The following CDC23 variants were observed in gnomAD, a reference collection of about 807,000 sequenced individuals.
CDC23 encodes the protein cell division cycle protein 23 homolog.
CDC23 carries 26 observed loss-of-function variants against 81.7 expected under a neutral mutation model. The observed-to-expected ratio is 0.32, with a 90% CI of 0.23 to 0.44. The LOEUF is 0.44. CDC23 is among the 20% of genes least tolerant of loss of function. The pLI, the probability that CDC23 is intolerant of heterozygous loss-of-function variation, is 1.00. For missense variants in CDC23, 519 were observed against 728.0 expected, an observed-to-expected ratio of 0.71 and a Z score of 3.30; for synonymous variants, 267 against 270.8, an observed-to-expected ratio of 0.99 and a Z score of 0.14.
intron 3 of CDC23, among the ~76,000 whole-genome samples, chr5:138,205,514 G>A (rs1755037999): frequency 6.6e-6 from 1 of 151,976 alleles, no homozygotes; most frequent in Admixed American, 6.6e-5. Flanking sequence ...ATAGAATAGT[G>A]GTTGCCAAGG....
intron 9 of CDC23, among the ~76,000 whole-genome samples, chr5:138,193,439 T>C (rs1488681671): frequency 6.6e-6 from 1 of 151,586 alleles, no homozygotes; most frequent in African/African-American, 2.4e-5. Context: ...CTACTAAAAA[T>C]ACAAAAATTA....
chr5:138,209,323 G>A (rs1040489926), intron 2 of CDC23, among the ~76,000 whole-genome samples: 4 of 151,716 alleles, frequency 2.6e-5, no homozygotes, highest in Non-Finnish European at 4.4e-5. Flanking sequence ...AGCTACTTGG[G>A]AGGCTGAGGA....
chr5:138,212,606 G>A (rs1755126234), intron 2 of CDC23, among the ~76,000 whole-genome samples: 1 of 152,104 alleles, frequency 6.6e-6, no homozygotes, highest in Admixed American at 6.6e-5. Context: ...GTGAGCCACC[G>A]CGCCAGACCA....
chr5:138,207,792 C>A (rs940812648), intron 2 of CDC23, among the ~76,000 whole-genome samples: 1 of 151,958 alleles, frequency 6.6e-6, no homozygotes, highest in Non-Finnish European at 1.5e-5. Flanking sequence ...CCTGCCTCTA[C>A]TAAAAATACA....
At chr5:138,200,104 G>C (rs1754968575) in intron 6 of CDC23, among the ~76,000 whole-genome samples, 1 of 152,122 alleles carries the variant, frequency 6.6e-6, no homozygotes, top group Non-Finnish European at 1.5e-5. Flanking sequence ...TGACAGCTCA[G>C]AAGAGGCCTG....
Position 138,192,284 on chromosome 5 carries a change from C to T in CDC23, c.1271G>A (p.Arg424Gln), listed in dbSNP as rs369097703. 21 of 1,613,928 alleles carry T rather than the reference C, an allele frequency of 1.3e-5. No homozygotes were observed. Among genetic ancestry groups the T allele is most frequent in the African/African-American group, 2.7e-5 (2 of 74,868 alleles). Residue 424 changes from arginine to glutamine, a missense_variant, in exon 11 of 16, where the codon CGG becomes CAG. Arg to Gln is a conservative substitution (Grantham distance 43). Coordinates refer to ENST00000394886, the MANE Select transcript of CDC23 (RefSeq NM_004661.4). ...CCAGGCTTACCGAAGCTGGTGGGCCCGTCTATAATAATAAAGGCAGTAAAA... is the reference window on the plus strand; with the variant it reads ...CCAGGCTTACCGAAGCTGGTGGGCCTGTCTATAATAATAAAGGCAGTAAAA... ...MPFYCLYYYR[R>Q]AHQLRPNDSR...
intron 9 of CDC23, among the ~76,000 whole-genome samples, chr5:138,197,394 G>C (rs1425443356): frequency 6.8e-6 from 1 of 146,892 alleles, no homozygotes; most frequent in African/African-American, 2.6e-5. Context: ...AGATGGCAAA[G>C]ATATATCATT....
chr5:138,206,979 A>G (rs1318800010), intron 2 of CDC23, among the ~76,000 whole-genome samples: 1 of 149,576 alleles, frequency 6.7e-6, no homozygotes, highest in Admixed American at 6.7e-5. Flanking sequence ...TCCCAGGTTC[A>G]AGCGATTATT....
At chr5:138,204,015 G>A (rs1755019863) in intron 3 of CDC23, among the ~76,000 whole-genome samples, 1 of 152,062 alleles carries the variant, frequency 6.6e-6, no homozygotes, top group African/African-American at 2.4e-5. Context: ...ACTATGTTGT[G>A]GTTATTTAAG....
At chr5:138,204,849 C>T (rs575810915) in intron 3 of CDC23, among the ~76,000 whole-genome samples, 287 of 151,552 alleles carry the variant, frequency 1.9e-3, no homozygotes, top group African/African-American at 6.6e-3. Context: ...CCTCGTGATC[C>T]GCCCGCCTCT....
intron 9 of CDC23, 79 bp downstream of exon 9, chr5:138,198,120 T>C (rs991491278): frequency 4.3e-5 from 47 of 1,088,800 alleles, no homozygotes; most frequent in Non-Finnish European, 6.2e-5. Context: ...CCACCATCCC[T>C]AGCTAATTGT....
In CDC23 at chr5:138,192,597, AG is replaced by A. The variant is rs1754839023; in HGVS notation, c.1072del (p.Leu358Ter). 6.2e-7 allele frequency: 1 copy of A among 1,614,002 alleles called. No homozygotes were observed. Among genetic ancestry groups the A allele is most frequent in the African/African-American group, 1.3e-5 (1 of 74,938 alleles). ...ACCAAGATACCGAGGATTTAATTTC[AG>A]GGCTCTCTGGAAATATAAGGCTGCT... ...EKAALYFQRA[L>X]KLNPRYLGAW... On this transcript the variant is annotated frameshift_variant, in exon 10 of 16. Transcript: ENST00000394886. LOFTEE classifies it high-confidence loss of function.
Position 138,192,366 on chromosome 5 carries a change from G to A in CDC23, c.1189C>T (p.Arg397Trp). 3 of 1,614,160 alleles carry A rather than the reference G, an allele frequency of 1.9e-6. No individual in the cohort carries two copies. Among genetic ancestry groups the A allele is most frequent in the Non-Finnish European group, 2.5e-6 (3 of 1,180,028 alleles). ...AYRHAIEVNK[R>W]DYRAWYGLGQ... The stretch of plus-strand genomic sequence containing the variant: ...AGGCCATACCAAGCTCTGTAGTCCC[G>A]TTTGTTGACCTCAATGGCATGTCTA... Residue 397 changes from arginine (R) to tryptophan (W), a missense_variant, in exon 11 of 16, where the codon CGG (arginine) becomes TGG (tryptophan). Physicochemically the swap from Arg to Trp is moderately radical, Grantham distance 101. This residue lies in a region of CDC23 where 175 missense variants were observed against 337.8 expected (regional missense o/e 0.52). Coordinates refer to ENST00000394886, the MANE Select transcript of CDC23 (RefSeq NM_004661.4).
chr5:138,195,772 GTGTATATAT>G (rs1754895727), intron 9 of CDC23, among the ~76,000 whole-genome samples: 1 of 101,668 alleles, frequency 9.8e-6, no homozygotes, highest in Admixed American at 1.3e-4. Context: ...TATTATATAT[GTGTATATAT>G]ACATATATTT....
At chr5:138,212,117 ATAT>A (rs1755119628) in intron 2 of CDC23, among the ~76,000 whole-genome samples, 1 of 152,176 alleles carries the variant, frequency 6.6e-6, no homozygotes, top group Non-Finnish European at 1.5e-5. Context: ...TAAGCGGTCT[ATAT>A]TATTATCTCA....
chr5:138,192,674 CA>C lies in CDC23; in HGVS notation c.1013-18del. On this transcript the variant is annotated intron_variant, in intron 9 of 15. Coordinates refer to ENST00000394886, the MANE Select transcript of CDC23 (RefSeq NM_004661.4). ...AATAATTGCCTGATTAAAAATCAAA[CA>C]AAAAAATGAATAATCAGAAAGGTAA... The C allele has an allele frequency of 1.9e-6, 3 of 1,590,538 alleles. No individual in the cohort carries two copies. Among genetic ancestry groups the C allele is most frequent in the Non-Finnish European group, 1.7e-6 (2 of 1,171,274 alleles).
chr5:138,192,393 G>A lies in CDC23; in HGVS notation c.1167-5C>T. On this transcript the variant is annotated splice_region_variant and splice_polypyrimidine_tract_variant and intron_variant, in intron 10 of 15. Coordinates refer to ENST00000394886, the MANE Select transcript of CDC23 (RefSeq NM_004661.4). Reference sequence around the variant, plus strand: ...TTGTTGACCTCAATGGCATGTCTAAGAAATGGAAAAGACAGGTTGTTAAGA... The same window carrying A: ...TTGTTGACCTCAATGGCATGTCTAAAAAATGGAAAAGACAGGTTGTTAAGA... 1 of 1,614,184 alleles carries A rather than the reference G, an allele frequency of 6.2e-7. No homozygotes were observed. Among genetic ancestry groups the A allele is most frequent in the Non-Finnish European group, 8.5e-7 (1 of 1,180,032 alleles).
Position 138,189,712 on chromosome 5 carries a change from T to G in CDC23, c.1544A>C (p.Tyr515Ser), listed in dbSNP as rs778647006. Residue 515 changes from tyrosine (Y) to serine (S), a missense_variant, in exon 15 of 16, where the codon TAT becomes TCT. Tyr to Ser is a moderately radical substitution (Grantham distance 144). Coordinates refer to ENST00000394886, the MANE Select transcript of CDC23 (RefSeq NM_004661.4). Reference protein sequence around the residue: ...EHLEESTAFRYLAQYYFKCKL... With the variant: ...EHLEESTAFRSLAQYYFKCKL... Reference sequence around the variant, plus strand: ...GCACTTAAAATAGTACTGGGCCAGATAGCGAAAGGCAGTGCTTTCCTCCAA... The same window carrying G: ...GCACTTAAAATAGTACTGGGCCAGAGAGCGAAAGGCAGTGCTTTCCTCCAA... The G allele has an allele frequency of 3.7e-6, 6 of 1,613,980 alleles. No homozygotes were observed. Among genetic ancestry groups the G allele is most frequent in the African/African-American group, 2.7e-5 (2 of 74,932 alleles).
chr5:138,189,251 G>C, intron 15 of CDC23, 103 bp from the exon 16 acceptor site: 1 of 1,116,452 alleles, frequency 9.0e-7, no homozygotes, highest in African/African-American at 1.6e-5. Flanking sequence ...AAGGAGGCGG[G>C]AGGCTTGCTT....
Sources: gnomAD v4.1 joint callset for allele counts (sites outside exome capture counted in the v4.1 genomes callset) on GRCh38, gnomAD v4.1.1 for gene constraint, gnomAD v4.1.1 regional missense constraint, MANE v1.5 for transcripts, NCBI Gene and HGNC (gene_info 2026-07-23, HGNC 2026-07-21) for gene names.